The following GALNTL6 variants were observed in gnomAD, a reference collection of about 807,000 sequenced individuals.
GALNTL6 encodes the protein polypeptide N-acetylgalactosaminyltransferase like 6.
Under a neutral mutation model 73.7 loss-of-function variants are expected in GALNTL6, and 46 were observed. The ratio of observed to expected loss-of-function variants is 0.62; its 90% CI spans 0.49 to 0.80. GALNTL6 has a LOEUF of 0.80. Ranked by LOEUF, GALNTL6 falls within the 30% of genes least tolerant of loss-of-function variation. The probability of loss-of-function intolerance (pLI) is 0.00; values close to 1 mark genes in which losing one functional copy is unlikely to be tolerated. For synonymous variants in GALNTL6, 259 were observed against 263.7 expected (o/e 0.98, Z 0.17); for missense variants, 604 against 755.0 (o/e 0.80, Z 2.34).
intron 2 of GALNTL6, among the ~76,000 whole-genome samples, chr4:171,829,772 T>G (rs1734917644): frequency 6.6e-6 from 1 of 152,134 alleles, no homozygotes; most frequent in Admixed American, 6.6e-5. Flanking sequence ...AGTAAGTTTC[T>G]TAAACATACT....
intron 2 of GALNTL6, among the ~76,000 whole-genome samples, chr4:172,137,904 G>A (rs1733680393): frequency 6.6e-6 from 1 of 152,158 alleles, no homozygotes; most frequent in African/African-American, 2.4e-5. Flanking sequence ...TCTTTCTTTA[G>A]GCTACCAAAT....
At chr4:172,995,756 A>G (rs943114940) in intron 10 of GALNTL6, among the ~76,000 whole-genome samples, 1 of 152,168 alleles carries the variant, frequency 6.6e-6, no homozygotes, top group Non-Finnish European at 1.5e-5. Context: ...ACTTCTTATA[A>G]CTGTTTTAAA....
intron 5 of GALNTL6, among the ~76,000 whole-genome samples, chr4:172,477,514 A>G (rs1050802303): frequency 6.6e-6 from 1 of 152,162 alleles, no homozygotes. Flanking sequence ...CGGCAAATTT[A>G]TATGTTGAAA....
chr4:172,366,357 T>C (rs1245233872), intron 5 of GALNTL6, among the ~76,000 whole-genome samples: 1 of 152,178 alleles, frequency 6.6e-6, no homozygotes, highest in African/African-American at 2.4e-5. Flanking sequence ...CAATGTATGT[T>C]TAGGAATGTA....
chr4:172,483,526 A>G (rs1319833066), intron 5 of GALNTL6, among the ~76,000 whole-genome samples: 1 of 152,186 alleles, frequency 6.6e-6, no homozygotes, highest in Non-Finnish European at 1.5e-5. Flanking sequence ...ATTATCCACA[A>G]TCTTTTCAGC....
chr4:172,946,973 A>G (rs1302651001), intron 9 of GALNTL6, among the ~76,000 whole-genome samples: 3 of 152,214 alleles, frequency 2.0e-5, no homozygotes, highest in Non-Finnish European at 4.4e-5. Flanking sequence ...ACATTCTGGT[A>G]CAGCCCCACA....
chr4:172,090,834 T>C (rs1192853598), intron 2 of GALNTL6, among the ~76,000 whole-genome samples: 1 of 152,152 alleles, frequency 6.6e-6, no homozygotes, highest in Non-Finnish European at 1.5e-5. Context: ...TTAGGCCTCA[T>C]GTTTAAGTCT....
intron 5 of GALNTL6, among the ~76,000 whole-genome samples, chr4:172,806,179 G>A (rs1445670132): frequency 6.6e-6 from 1 of 151,986 alleles, no homozygotes; most frequent in African/African-American, 2.4e-5. Context: ...AAGAGAGAAA[G>A]GACCCCTCAA....
chr4:172,531,321 G>T (rs1179741666), intron 5 of GALNTL6, among the ~76,000 whole-genome samples: 2 of 152,206 alleles, frequency 1.3e-5, no homozygotes, highest in Admixed American at 1.3e-4. Flanking sequence ...CTGAAAAGGT[G>T]ATGGGCAGAA....
At chr4:172,158,658 C>A (rs1429255809) in intron 2 of GALNTL6, among the ~76,000 whole-genome samples, 1 of 152,060 alleles carries the variant, frequency 6.6e-6, no homozygotes, top group Admixed American at 6.5e-5. Context: ...GACCAAGTGG[C>A]AAAGTTAAAC....
intron 5 of GALNTL6, among the ~76,000 whole-genome samples, chr4:172,715,373 C>G (rs1299111767): frequency 6.6e-6 from 1 of 152,158 alleles, no homozygotes; most frequent in African/African-American, 2.4e-5. Flanking sequence ...ATCTATGTCT[C>G]TATGTTTCCA....
chr4:172,457,195 G>A (rs910219667), intron 5 of GALNTL6, among the ~76,000 whole-genome samples: 11 of 151,318 alleles, frequency 7.3e-5, no homozygotes, highest in Admixed American at 3.3e-4. Flanking sequence ...AAGAGCTCCT[G>A]AAGGAAGCAC....
intron 5 of GALNTL6, among the ~76,000 whole-genome samples, chr4:172,586,966 A>C (rs1222003596): frequency 6.6e-6 from 1 of 152,208 alleles, no homozygotes; most frequent in African/African-American, 2.4e-5. Context: ...AAGTCTTTTA[A>C]CAGTGTAAGG....
chr4:172,549,061 T>C (rs1250830160), intron 5 of GALNTL6, among the ~76,000 whole-genome samples: 2 of 152,210 alleles, frequency 1.3e-5, no homozygotes, highest in East Asian at 3.8e-4. Flanking sequence ...CTTTGAGATG[T>C]ATAGTTCCAG....
chr4:172,863,883 A>T (rs1744523778), intron 7 of GALNTL6, among the ~76,000 whole-genome samples: 1 of 152,162 alleles, frequency 6.6e-6, no homozygotes, highest in African/African-American at 2.4e-5. Context: ...TAGCTCCCAT[A>T]ATTCCCATGT....
intron 8 of GALNTL6, among the ~76,000 whole-genome samples, chr4:172,891,016 T>C (rs1475601636): frequency 1.3e-5 from 2 of 152,216 alleles, no homozygotes; most frequent in Non-Finnish European, 2.9e-5. Flanking sequence ...TCTGCTCTTT[T>C]TTGTTTACCA....
intron 9 of GALNTL6, 100 bp from the exon 10 acceptor site, chr4:172,951,937 C>T (rs1749461717): frequency 5.4e-6 from 5 of 926,076 alleles, no homozygotes; most frequent in Admixed American, 2.5e-5. Context: ...CTGAGGTTGC[C>T]GCTATCTTTT....
chr4:172,710,959 T>C (rs1373330174), intron 5 of GALNTL6, among the ~76,000 whole-genome samples: 1 of 152,116 alleles, frequency 6.6e-6, no homozygotes, highest in African/African-American at 2.4e-5. Context: ...TTATAGGTAC[T>C]GGGGATACAA....
At chr4:172,934,074 G>T (rs1241018708) in intron 9 of GALNTL6, among the ~76,000 whole-genome samples, 1 of 152,248 alleles carries the variant, frequency 6.6e-6, no homozygotes. Flanking sequence ...TTAGAATCTG[G>T]TTGCAAAAGA....
Sources: gnomAD v4.1 joint callset for allele counts (sites outside exome capture counted in the v4.1 genomes callset) on GRCh38, gnomAD v4.1.1 for gene constraint, MANE v1.5 for transcripts, NCBI Gene and HGNC (gene_info 2026-07-23, HGNC 2026-07-21) for gene names.